The following UGT1A9 variants were observed in gnomAD, a reference collection of about 807,000 sequenced individuals.
UGT1A9 encodes UDP-glucuronosyltransferase 1A9.
UGT1A9 carries 35 observed loss-of-function variants against 45.0 expected under a neutral mutation model. That is an observed-to-expected ratio of 0.78 (90% CI 0.59 to 1.03). UGT1A9 has a LOEUF of 1.03. UGT1A9 is among the 50% of genes least tolerant of loss of function. UGT1A9 has a pLI of 0.00. For synonymous variants in UGT1A9, 278 were observed against 250.6 expected, an observed-to-expected ratio of 1.11 and a Z score of -1.03; for missense variants, 687 against 666.6, an observed-to-expected ratio of 1.03 and a Z score of -0.34.
In UGT1A9 at chr2:233,768,348, G is replaced by T; in HGVS notation, c.1204G>T (p.Glu402Ter). 1 of 1,614,198 alleles carries T rather than the reference G, an allele frequency of 6.2e-7. No homozygotes were observed. Among genetic ancestry groups the T allele is most frequent in the Non-Finnish European group, 8.5e-7 (1 of 1,180,042 alleles). The change falls in exon 4 of 5, where the codon GAG becomes TAG. Residue 402 changes from glutamate to a stop codon, truncating the protein, a stop_gained. Coordinates refer to ENST00000354728, the MANE Select transcript of UGT1A9 (RefSeq NM_021027.3). LOFTEE classifies it high-confidence loss of function. The part of the protein sequence containing the change: ...GDQMDNAKRM[E>*]TKGAGVTLNV... ...TCAGATGGACAATGCAAAGCGCATG[G>T]AGACTAAGGGAGCTGGAGTGACCCT...
chr2:233,738,354 G>A lies in UGT1A9; in HGVS notation c.856-28680G>A, dbSNP rs1033187922. Among the ~76,000 whole-genome samples the A allele has an allele frequency of 9.2e-5, 14 of 152,188 alleles. 1 individual carries two copies. Among genetic ancestry groups the A allele is most frequent in the Admixed American group, 7.2e-4 (11 of 15,278 alleles). The stretch of plus-strand genomic sequence containing the variant: ...ACAGTAAATTGGTGTCATGGAGAGT[G>A]GGGTACTGCTATAAAACTACTTGAA... On this transcript the variant is annotated intron_variant, in intron 1 of 4. Coordinates refer to ENST00000354728, the MANE Select transcript of UGT1A9 (RefSeq NM_021027.3).
At chr2:233,765,331 C>T (rs770638487) in intron 1 of UGT1A9, among the ~76,000 whole-genome samples, 13 of 152,154 alleles carry the variant, frequency 8.5e-5, no homozygotes, top group Admixed American at 2.6e-4. Context: ...GCACTATTCA[C>T]AATAACAAAG....
intron 1 of UGT1A9, among the ~76,000 whole-genome samples, chr2:233,762,341 A>C (rs1325926558): frequency 6.6e-6 from 1 of 152,206 alleles, no homozygotes; most frequent in Non-Finnish European, 1.5e-5. Flanking sequence ...AGCTCTTTTT[A>C]GTTCTTTGTA....
chr2:233,744,393 C>T (rs17864702), intron 1 of UGT1A9, among the ~76,000 whole-genome samples: 2,182 of 151,914 alleles, frequency 0.014, 41 homozygotes, highest in South Asian at 0.024. Context: ...GTTCCAGCCC[C>T]GGTGCCCATT....
rs780046350 is a variant in UGT1A9, at chr2:233,693,232, A to C, written c.855+20443A>C. 5.7e-5 allele frequency: 92 copies of C among 1,614,070 alleles called. No individual in the cohort carries two copies. In the South Asian group the frequency reaches 9.0e-4, roughly 16 times the overall value. On this transcript the variant is annotated intron_variant, in intron 1 of 4. Coordinates refer to ENST00000354728, the MANE Select transcript of UGT1A9 (RefSeq NM_021027.3). ...AAGAATCCAAATACTACACAAGAAA[A>C]ATCTATCCAGTGCCGTATGACCAAG...
intron 1 of UGT1A9, among the ~76,000 whole-genome samples, chr2:233,700,136 T>A (rs2075545900): frequency 1.3e-5 from 2 of 152,152 alleles, no homozygotes; most frequent in Admixed American, 1.3e-4. Flanking sequence ...TCTGAGCTGT[T>A]TGTCTCCCTA....
At position 233,769,746 on chromosome 2, in the gene UGT1A9, T is replaced by A; in HGVS notation, c.1295+1307T>A. On this transcript the variant is annotated intron_variant, in intron 4 of 4. Transcript: ENST00000354728. This position sits in a 1 kb window ranked among gnomAD's most constrained non-coding sequence, Gnocchi z 4.4. ...GGCACACGCCTGTAGTCCCAGCCAC[T>A]CTGGAGGCTAAGGCGGGAGGATTGC... 3 of 1,441,832 alleles carry A rather than the reference T, an allele frequency of 2.1e-6. No individual in the cohort carries two copies. Among genetic ancestry groups the A allele is most frequent in the Non-Finnish European group, 2.7e-6 (3 of 1,095,648 alleles). The allele number at this position is 1,441,832 out of a possible 1,614,324, so 89.3% of individuals were successfully genotyped here. A position where few individuals can be genotyped will look rare whatever the true frequency, so the allele number is the denominator to read the frequency against.
chr2:233,772,269 G>C lies in UGT1A9; in HGVS notation c.1303G>C (p.Glu435Gln), dbSNP rs868814380. The C allele has an allele frequency of 1.2e-6, 2 of 1,614,106 alleles. No homozygotes were observed. The highest frequency in any genetic ancestry group is 1.7e-6 in the Non-Finnish European group (2 of 1,180,050). Residue 435 changes from glutamate to glutamine, a missense_variant, in exon 5 of 5, where the codon GAG becomes CAG. Transcript: ENST00000354728. ...AACTGTCTTTGTGTTTAGTTACAAG[G>C]AGAACATCATGCGCCTCTCCAGCCT... The part of the protein sequence containing the change: ...KAVINDKSYK[E>Q]NIMRLSSLHK...
intron 1 of UGT1A9, among the ~76,000 whole-genome samples, chr2:233,750,317 C>A (rs543565956): frequency 1.3e-5 from 2 of 151,994 alleles, no homozygotes; most frequent in South Asian, 4.1e-4. Flanking sequence ...ATCTGTGGAA[C>A]TTTGAACTTC....
intron 1 of UGT1A9, chr2:233,719,680 T>C: frequency 1.2e-6 from 2 of 1,614,092 alleles, no homozygotes; most frequent in Non-Finnish European, 1.7e-6. Flanking sequence ...GGGAAGCCAC[T>C]ATCTCAGGTC....
At chr2:233,746,445 G>GA (rs776336389) in intron 1 of UGT1A9, among the ~76,000 whole-genome samples, 23 of 151,700 alleles carry the variant, frequency 1.5e-4, no homozygotes, top group Non-Finnish European at 2.9e-4. Flanking sequence ...AGCTTAAAAA[G>GA]AAAGTACCTT....
intron 1 of UGT1A9, among the ~76,000 whole-genome samples, chr2:233,725,543 ATAT>A (rs909924952): frequency 1.3e-5 from 2 of 152,112 alleles, no homozygotes; most frequent in African/African-American, 4.8e-5. Flanking sequence ...CATATCACAA[ATAT>A]TATCCTTTCA....
chr2:233,676,739 C>T (rs972827533), intron 1 of UGT1A9, among the ~76,000 whole-genome samples: 1 of 152,078 alleles, frequency 6.6e-6, no homozygotes, highest in Non-Finnish European at 1.5e-5. Context: ...ATGTTTTCAT[C>T]GTGGTAAAAC....
chr2:233,684,472 T>C (rs902470893), intron 1 of UGT1A9, among the ~76,000 whole-genome samples: 2 of 152,168 alleles, frequency 1.3e-5, no homozygotes, highest in Non-Finnish European at 2.9e-5. Context: ...GCTGAGTTTG[T>C]TGTGGCTCAA....
At chr2:233,706,525 T>C (rs1041357366) in intron 1 of UGT1A9, among the ~76,000 whole-genome samples, 2 of 152,202 alleles carry the variant, frequency 1.3e-5, no homozygotes, top group Admixed American at 6.5e-5. Flanking sequence ...TTACAGCGGC[T>C]TAGAAACACA....
chr2:233,747,983 C>T (rs539831908), intron 1 of UGT1A9: 1 of 1,613,300 alleles, frequency 6.2e-7, no homozygotes, highest in Non-Finnish European at 8.5e-7. Flanking sequence ...TGTGGCTGTT[C>T]CGAGGGGACT....
intron 1 of UGT1A9, among the ~76,000 whole-genome samples, chr2:233,765,111 G>C (rs1698754315): frequency 6.6e-6 from 1 of 152,118 alleles, no homozygotes; most frequent in Non-Finnish European, 1.5e-5. Context: ...GGCTTCCTCA[G>C]GACTGTTCAG....
Position 233,768,353 on chromosome 2 carries a change from T to C in UGT1A9, c.1209T>C (p.Thr403=). The change falls in exon 4 of 5, where the codon ACT becomes ACC. Residue 403 remains threonine, a synonymous_variant. Coordinates refer to ENST00000354728, the MANE Select transcript of UGT1A9 (RefSeq NM_021027.3). ...TGGACAATGCAAAGCGCATGGAGAC[T>C]AAGGGAGCTGGAGTGACCCTGAATG... is the stretch of plus-strand genomic sequence containing the variant. ...DQMDNAKRME[T]KGAGVTLNVL... is the part of the protein sequence containing the mutation. 6.2e-7 allele frequency: 1 copy of C among 1,614,150 alleles called. No individual in the cohort carries two copies. The highest frequency in any genetic ancestry group is 1.1e-5 in the South Asian group (1 of 91,082).
At chr2:233,710,142 A>G (rs971862599) in intron 1 of UGT1A9, among the ~76,000 whole-genome samples, 1 of 152,224 alleles carries the variant, frequency 6.6e-6, no homozygotes, top group Non-Finnish European at 1.5e-5. Context: ...CATTGTATAG[A>G]TATATCATCA....
Sources: allele counts gnomAD v4.1 joint callset (sites outside exome capture counted in the v4.1 genomes callset), GRCh38; gene constraint gnomAD v4.1.1; non-coding constraint Gnocchi (gnomAD v3.1); transcripts MANE v1.5; gene names NCBI Gene and HGNC (gene_info 2026-07-23, HGNC 2026-07-21).